The following PTPRF variants were observed in gnomAD, a reference collection of about 807,000 sequenced individuals.
PTPRF encodes the protein receptor-type tyrosine-protein phosphatase F.
Under a neutral mutation model 201.8 loss-of-function variants are expected in PTPRF, and 59 were observed. The observed-to-expected ratio is 0.29, with a 90% confidence interval of 0.24 to 0.36. The LOEUF (loss-of-function observed/expected upper bound fraction) is 0.36. PTPRF is among the 10% of genes least tolerant of loss of function. The pLI is 1.00. For synonymous variants in PTPRF, 1,088 were observed against 1,089.7 expected, an observed-to-expected ratio of 1.00 and a Z score of 0.03; for missense variants, 2,132 against 2,690.5, an observed-to-expected ratio of 0.79 and a Z score of 4.59.
chr1:43,622,274 C>T lies in PTPRF; in HGVS notation c.*271C>T, dbSNP rs1659385313. On this transcript the variant is annotated 3_prime_UTR_variant, in exon 34 of 34. Transcript: ENST00000359947. ...AGCCCGCTTCAAGCTCTCTGTTGCG[C>T]TCCCGCATTTCTCATGCTTCTTCTC... 3 of 486,006 alleles carry T rather than the reference C, an allele frequency of 6.2e-6. No individual in the cohort carries two copies. In the Admixed American group the frequency reaches 1.0e-4, roughly 17 times the overall value. 30.1% of individuals were successfully genotyped at this position (486,006 alleles called of 1,614,324 possible).
At chr1:43,579,328 T>G in intron 7 of PTPRF, 1 of 413,034 alleles carries the variant, frequency 2.4e-6, no homozygotes, top group Non-Finnish European at 5.0e-6. Flanking sequence ...TACATCCTCC[T>G]GCCTGCCGCA....
rs917274470 is a variant in PTPRF at position 43,546,540 on chromosome 1, T to TG, written c.91+1376dup. Among the ~76,000 whole-genome samples, 5 of 152,086 alleles carry TG rather than the reference T, an allele frequency of 3.3e-5. No homozygotes were observed. Among genetic ancestry groups the TG allele is most frequent in the Admixed American group, 1.3e-4 (2 of 15,276 alleles). ...TTGTCCACGTGTGGTCAGTAGCTCT[T>TG]GGACATTGAAGTACTGTCCTTGCCC... On this transcript the variant is annotated intron_variant, in intron 3 of 33. Coordinates refer to ENST00000359947, the MANE Select transcript of PTPRF (RefSeq NM_002840.5). The surrounding 1 kb of genome is among the most constrained non-coding windows in gnomAD (Gnocchi z 4.2).
intron 7 of PTPRF, among the ~76,000 whole-genome samples, chr1:43,583,825 C>T (rs1176887299): frequency 6.6e-6 from 1 of 152,194 alleles, no homozygotes; most frequent in Non-Finnish European, 1.5e-5. Flanking sequence ...TGCCCCAGGC[C>T]CCTCTGCCCA....
At chr1:43,584,756 CA>C (rs1557771636) in intron 7 of PTPRF, among the ~76,000 whole-genome samples, 2 of 152,220 alleles carry the variant, frequency 1.3e-5, no homozygotes, top group Non-Finnish European at 2.9e-5. Flanking sequence ...GCGGCAGCCA[CA>C]AGGTTATTTA....
At chr1:43,583,172 G>C in intron 7 of PTPRF, 1 of 914,456 alleles carries the variant, frequency 1.1e-6, no homozygotes, top group Non-Finnish European at 1.3e-6. Flanking sequence ...CAGCGGGCTC[G>C]GTCAGCTCCC....
At chr1:43,577,653 G>T (rs974913406) in intron 6 of PTPRF, among the ~76,000 whole-genome samples, 3 of 152,142 alleles carry the variant, frequency 2.0e-5, no homozygotes, top group Admixed American at 6.5e-5. Flanking sequence ...GGCAGGGGGG[G>T]CCCGGCAGCT....
chr1:43,618,028 A>C, intron 25 of PTPRF, 117 bp downstream of exon 25: 1 of 1,115,764 alleles, frequency 9.0e-7, no homozygotes. Context: ...AGTGATCCCC[A>C]GATGCTATTG....
At position 43,618,726 on chromosome 1, in the gene PTPRF, G is replaced by A. The variant is rs2154036012; in HGVS notation, c.4468G>A (p.Val1490Met). Residue 1490 changes from valine (V) to methionine (M), a missense_variant, in exon 26 of 34, where the codon GTG (valine) becomes ATG (methionine). Val to Met is a conservative substitution (Grantham distance 21). Transcript: ENST00000359947. ...CACAGTGGAGCTGGCCACATACACT[G>A]TGCGCACCTTCGCACTCCACAAGGT... is the stretch of plus-strand genomic sequence containing the variant. ...LDTVELATYT[V>M]RTFALHKSGS... 4 of 1,609,870 alleles carry A rather than the reference G, an allele frequency of 2.5e-6. No individual in the cohort carries two copies. In the East Asian group the frequency reaches 8.9e-5, roughly 36 times the overall value.
At chr1:43,578,985 T>G in intron 7 of PTPRF, 65 bp downstream of exon 7, 2 of 1,467,794 alleles carry the variant, frequency 1.4e-6, no homozygotes, top group Non-Finnish European at 9.5e-7. Flanking sequence ...CCGGGCTCTC[T>G]GCCCAGAGCC....
Position 43,619,295 on chromosome 1 carries a change from G to A in PTPRF, c.4654G>A (p.Val1552Met), listed in dbSNP as rs370996086. Residue 1552 changes from valine (V) to methionine (M), a missense_variant, in exon 28 of 34, where the codon GTG becomes ATG. Physicochemically the swap from Val to Met is conservative, Grantham distance 21. This residue lies in a region of PTPRF where 519 missense variants were observed against 659.5 expected (regional missense o/e 0.79). Transcript: ENST00000359947. The stretch of plus-strand genomic sequence containing the variant: ...TGAGCCCGTGTCCTGCAGCGCGGGC[G>A]TGGGCCGCACCGGCTGCTTCATCGT... ...GPMVVHCSAG[V>M]GRTGCFIVID... 1.8e-5 allele frequency: 29 copies of A among 1,613,242 alleles called. No homozygotes were observed. The highest frequency in any genetic ancestry group is 2.2e-5 in the South Asian group (2 of 91,080).
rs568473901 is a variant in PTPRF, at chr1:43,583,196, G to A, written c.679+4276G>A. On this transcript the variant is annotated intron_variant, in intron 7 of 33. Coordinates refer to ENST00000359947, the MANE Select transcript of PTPRF (RefSeq NM_002840.5). ...CGGTCAGCTCCCTCAGGCTCACTGC[G>A]CCGTGCCTGCCTGCCAGTCTCTGTT... 7.6e-6 allele frequency: 6 copies of A among 785,530 alleles called. No individual in the cohort carries two copies. In the South Asian group the frequency reaches 2.3e-4, roughly 30 times the overall value. 48.7% of individuals were successfully genotyped at this position (785,530 alleles called of 1,614,324 possible).
At position 43,623,573 on chromosome 1, in the gene PTPRF, G is replaced by A. The variant is rs1659566341; in HGVS notation, c.*1570G>A. The A allele has an allele frequency of 6.6e-6, 1 of 152,592 alleles. No individual in the cohort carries two copies. Among genetic ancestry groups the A allele is most frequent in the Admixed American group, 6.5e-5 (1 of 15,280 alleles). The allele number at this position is 152,592 out of a possible 1,614,324, so 9.5% of individuals were successfully genotyped here. On this transcript the variant is annotated 3_prime_UTR_variant, in exon 34 of 34. Transcript: ENST00000359947. ...TGCTAGTGCTGTAGAGTTCACTGTT[G>A]TACACAGTCTGTTTTCTATTTGTTA...
At chr1:43,621,026 G>A in intron 32 of PTPRF, 34 bp downstream of exon 32, 5 of 1,610,042 alleles carry the variant, frequency 3.1e-6, no homozygotes, top group East Asian at 2.2e-5. Flanking sequence ...TGGGGTGGGT[G>A]GGCCTGAAGG....
chr1:43,601,966 C>A, intron 13 of PTPRF, 105 bp from the exon 14 acceptor site: 1 of 1,373,864 alleles, frequency 7.3e-7, no homozygotes, highest in Non-Finnish European at 1.0e-6. Flanking sequence ...GGCCCAAAAG[C>A]CCTCCCTCTG....
chr1:43,621,309 A>C (rs1659164230), intron 33 of PTPRF, 77 bp downstream of exon 33: 1 of 1,557,236 alleles, frequency 6.4e-7, no homozygotes, highest in South Asian at 1.2e-5. Flanking sequence ...CAACAGTTTG[A>C]TGCCCACAGG....
intron 6 of PTPRF, chr1:43,575,894 C>T (rs756701292): frequency 7.7e-5 from 105 of 1,361,006 alleles, no homozygotes; most frequent in Non-Finnish European, 1.0e-4. Flanking sequence ...TATTTGCATT[C>T]AAATTACCTC....
intron 5 of PTPRF, among the ~76,000 whole-genome samples, chr1:43,558,897 G>A (rs1045342523): frequency 6.6e-6 from 1 of 152,326 alleles, no homozygotes; most frequent in East Asian, 1.9e-4. Context: ...GGACTGGCCG[G>A]GAAAGCCCAG....
chr1:43,522,212 A>G (rs1433224106), upstream of PTPRF, among the ~76,000 whole-genome samples: 1 of 152,188 alleles, frequency 6.6e-6, no homozygotes, highest in Non-Finnish European at 1.5e-5. Context: ...AACCTGACCT[A>G]ACACAGACAT....
chr1:43,614,930 C>T (rs1657380598), intron 23 of PTPRF, among the ~76,000 whole-genome samples: 1 of 152,126 alleles, frequency 6.6e-6, no homozygotes, highest in African/African-American at 2.4e-5. Context: ...CCTCCTCTTC[C>T]ACCTCCTCCA....
Sources: allele counts gnomAD v4.1 joint callset (sites outside exome capture counted in the v4.1 genomes callset), GRCh38; gene constraint gnomAD v4.1.1; regional missense constraint gnomAD v4.1.1; non-coding constraint Gnocchi (gnomAD v3.1); transcripts MANE v1.5; gene names NCBI Gene and HGNC (gene_info 2026-07-23, HGNC 2026-07-21).